The following KCNQ5 variants were observed in gnomAD, a reference collection of about 807,000 sequenced individuals.
The protein encoded by KCNQ5 is potassium voltage-gated channel subfamily KQT member 5.
A neutral mutation model predicts 98.2 loss-of-function variants in KCNQ5; 30 were observed. That is an observed-to-expected ratio of 0.31 (90% CI 0.23 to 0.41). The LOEUF (loss-of-function observed/expected upper bound fraction) is 0.41. KCNQ5 is among the 10% of genes least tolerant of loss of function. The pLI is 1.00. For missense variants in KCNQ5, 835 were observed against 1,182.5 expected, an observed-to-expected ratio of 0.71 and a Z score of 4.31; for synonymous variants, 458 against 449.4, an observed-to-expected ratio of 1.02 and a Z score of -0.24.
At chr6:73,021,599 T>C (rs1770609130) in intron 2 of KCNQ5, among the ~76,000 whole-genome samples, 6 of 152,150 alleles carry the variant, frequency 3.9e-5, no homozygotes, top group Admixed American at 1.3e-4. Context: ...AGGTATTCAG[T>C]GCCTGGAGCA....
chr6:72,680,171 A>G (rs1767633569), intron 1 of KCNQ5, among the ~76,000 whole-genome samples: 1 of 152,228 alleles, frequency 6.6e-6, no homozygotes, highest in African/African-American at 2.4e-5. Flanking sequence ...CTCCTTGTCC[A>G]TAAGCAGTAC....
At chr6:72,977,668 G>A (rs1225081737) in intron 1 of KCNQ5, among the ~76,000 whole-genome samples, 3 of 152,116 alleles carry the variant, frequency 2.0e-5, no homozygotes, top group Admixed American at 2.0e-4. Flanking sequence ...TTTTCAGTGA[G>A]AGAGACCTTC....
At chr6:72,653,564 A>T (rs1232645517) in intron 1 of KCNQ5, among the ~76,000 whole-genome samples, 4 of 152,034 alleles carry the variant, frequency 2.6e-5, no homozygotes, top group African/African-American at 9.7e-5. Flanking sequence ...TATTTATTTG[A>T]AATTACTGCA....
intron 1 of KCNQ5, among the ~76,000 whole-genome samples, chr6:72,985,603 A>T (rs117847236): frequency 6.6e-6 from 1 of 152,186 alleles, no homozygotes; most frequent in South Asian, 2.1e-4. Flanking sequence ...GAAAACCACA[A>T]TGATATTTCA....
intron 2 of KCNQ5, among the ~76,000 whole-genome samples, chr6:73,027,997 T>C (rs976240378): frequency 6.6e-6 from 1 of 152,222 alleles, no homozygotes; most frequent in African/African-American, 2.4e-5. Context: ...TACTGTACTT[T>C]CAGTGACTCT....
intron 1 of KCNQ5, among the ~76,000 whole-genome samples, chr6:72,727,001 T>A (rs530805240): frequency 6.6e-6 from 1 of 152,246 alleles, no homozygotes; most frequent in Non-Finnish European, 1.5e-5. Flanking sequence ...AGTCGTGACA[T>A]GCAGAGAAGT....
intron 1 of KCNQ5, among the ~76,000 whole-genome samples, chr6:72,890,535 G>T (rs1393789624): frequency 2.0e-5 from 3 of 152,138 alleles, no homozygotes; most frequent in African/African-American, 7.2e-5. Context: ...GTGGTGTGTG[G>T]CAGTGGCTGC....
At chr6:72,792,711 C>A (rs1357506422) in intron 1 of KCNQ5, among the ~76,000 whole-genome samples, 1 of 152,108 alleles carries the variant, frequency 6.6e-6, no homozygotes, top group African/African-American at 2.4e-5. Context: ...GGCAAAGGAG[C>A]CTTATTACAT....
At chr6:73,098,251 T>G (rs1042235466) in intron 5 of KCNQ5, among the ~76,000 whole-genome samples, 1 of 151,116 alleles carries the variant, frequency 6.6e-6, no homozygotes, top group African/African-American at 2.4e-5. Context: ...GATAAAAGAA[T>G]AAAAAAGAAG....
At chr6:72,921,503 G>T (rs1208245559) in intron 1 of KCNQ5, among the ~76,000 whole-genome samples, 1 of 152,136 alleles carries the variant, frequency 6.6e-6, no homozygotes, top group African/African-American at 2.4e-5. Flanking sequence ...GGGGAGTTTT[G>T]GGGAGTAGAC....
intron 1 of KCNQ5, among the ~76,000 whole-genome samples, chr6:72,910,088 A>T (rs1252568264): frequency 6.6e-6 from 1 of 152,142 alleles, no homozygotes; most frequent in Non-Finnish European, 1.5e-5. Flanking sequence ...TATTTTTTTT[A>T]CTTGAATTGC....
chr6:72,976,721 T>C (rs1768174889), intron 1 of KCNQ5, among the ~76,000 whole-genome samples: 1 of 152,206 alleles, frequency 6.6e-6, no homozygotes. Flanking sequence ...CTCATTCCCA[T>C]GTACTGACTG....
rs549994448 is a variant in KCNQ5 at position 73,031,574 on chromosome 6, C to A, written c.490-10362C>A. Among the ~76,000 whole-genome samples the A allele has an allele frequency of 2.2e-4, 33 of 152,306 alleles. 1 individual carries two copies. The highest frequency in any genetic ancestry group is 7.7e-4 in the African/African-American group (32 of 41,570). On this transcript the variant is annotated intron_variant, in intron 2 of 13. Transcript: ENST00000370398. ...CCTGCTCTAAGCAGAGGGGCTACGA[C>A]AATGGGTAAGGCATTTCTCTAGAAA... is the stretch of plus-strand genomic sequence containing the variant.
intron 1 of KCNQ5, among the ~76,000 whole-genome samples, chr6:72,855,785 A>G (rs373534616): frequency 6.6e-5 from 10 of 152,278 alleles, no homozygotes; most frequent in African/African-American, 2.4e-4. Context: ...TGCAGATTTC[A>G]CCCTCCGGTA....
At chr6:72,871,772 C>T (rs3763159) in intron 1 of KCNQ5, among the ~76,000 whole-genome samples, 42,757 of 152,028 alleles carry the variant, frequency 0.28, 6,150 homozygotes, top group Non-Finnish European at 0.29. Context: ...ATAAAGTTAC[C>T]TCTCCCACCT....
intron 3 of KCNQ5, among the ~76,000 whole-genome samples, chr6:73,070,758 A>T (rs1327574065): frequency 6.6e-6 from 1 of 152,170 alleles, no homozygotes; most frequent in African/African-American, 2.4e-5. Flanking sequence ...ATTAACTAGA[A>T]TTAGTCACCT....
chr6:72,746,899 G>A (rs1373894701), intron 1 of KCNQ5, among the ~76,000 whole-genome samples: 17 of 151,916 alleles, frequency 1.1e-4, no homozygotes, highest in Admixed American at 9.8e-4. Context: ...AAATAATGAC[G>A]CTCTTTGATT....
intron 1 of KCNQ5, among the ~76,000 whole-genome samples, chr6:72,943,844 G>T (rs1049818393): frequency 2.6e-5 from 4 of 152,228 alleles, no homozygotes. Flanking sequence ...CACTGTGCAT[G>T]AGCAAGAGAG....
chr6:72,652,010 C>T (rs1339641763), intron 1 of KCNQ5, among the ~76,000 whole-genome samples: 8 of 151,832 alleles, frequency 5.3e-5, no homozygotes, highest in South Asian at 4.1e-4. Context: ...GGGTAAGAAG[C>T]GGCTTTTATA....
Sources: allele counts gnomAD v4.1 joint callset (sites outside exome capture counted in the v4.1 genomes callset), GRCh38; gene constraint gnomAD v4.1.1; transcripts MANE v1.5; gene names NCBI Gene and HGNC (gene_info 2026-07-23, HGNC 2026-07-21).